Variants in TPCN1 observed in about 807,000 individuals in gnomAD.
The protein encoded by TPCN1 is two pore channel protein 1.
Under a neutral mutation model 108.8 loss-of-function variants are expected in TPCN1, and 52 were observed. That is an observed-to-expected ratio of 0.48 (90% confidence interval 0.38 to 0.60). The LOEUF (loss-of-function observed/expected upper bound fraction) is 0.60. TPCN1 is among the 20% of genes least tolerant of loss of function. TPCN1 has a pLI of 0.00. For missense variants in TPCN1, 806 were observed against 1,072.8 expected (o/e 0.75, Z 3.47); for synonymous variants, 446 against 433.7 (o/e 1.03, Z -0.35).
Position 113,260,354 on chromosome 12 carries a change from C to T in TPCN1, c.113-14C>T. 2 of 1,487,114 alleles carry T rather than the reference C, an allele frequency of 1.3e-6. No homozygotes were observed. The highest frequency in any genetic ancestry group is 1.5e-5 in the African/African-American group (1 of 67,646). The allele number at this position is 1,487,114 out of a possible 1,614,324, so 92.1% of individuals were successfully genotyped here. A position where few individuals can be genotyped will look rare whatever the true frequency, so the allele number is the denominator to read the frequency against. Reference sequence around the variant, plus strand: ...CCTGGGTGCCAAGTGAATCTCTCTCCTCTTCCAATGCAGATGGCGGCAGCT... The same window carrying T: ...CCTGGGTGCCAAGTGAATCTCTCTCTTCTTCCAATGCAGATGGCGGCAGCT... On this transcript the variant is annotated splice_polypyrimidine_tract_variant and intron_variant, in intron 2 of 27. Transcript: ENST00000335509.
intron 13 of TPCN1, 97 bp downstream of exon 13, chr12:113,278,334 G>A (rs1955743796): frequency 8.9e-7 from 1 of 1,120,072 alleles, no homozygotes; most frequent in South Asian, 1.2e-5. Context: ...CTCTCTCCCT[G>A]CTAGAGCAGC....
At position 113,288,315 on chromosome 12, in the gene TPCN1, C is replaced by T. The variant is rs545310608; in HGVS notation, c.1706+81C>T. On this transcript the variant is annotated intron_variant, in intron 20 of 27. Coordinates refer to ENST00000335509, the MANE Select transcript of TPCN1 (RefSeq NM_017901.6). The surrounding 1 kb of genome is among the most constrained non-coding windows in gnomAD (Gnocchi z 4.8). The stretch of plus-strand genomic sequence containing the variant: ...GTGGGGGCGGGAGCCGAGTGGCAGT[C>T]GGGGGAAAGGAGTTCCACAAAGGAC... 109 of 1,593,312 alleles carry T rather than the reference C, an allele frequency of 6.8e-5. No homozygotes were observed. Among genetic ancestry groups the T allele is most frequent in the Middle Eastern group, 1.7e-4 (1 of 6,022 alleles).
In TPCN1 at chr12:113,297,224, G is replaced by A. The variant is rs1490036646; in HGVS notation, c.*1148G>A. ...ACATCTGAGCGTGGTGGAGGTAGGA[G>A]GGTTGCCAGCTGCAGTGACCCTGCC... On this transcript the variant is annotated 3_prime_UTR_variant, in exon 28 of 28. Transcript: ENST00000335509. This position sits in a 1 kb window ranked among gnomAD's most constrained non-coding sequence, Gnocchi z 4.4. The A allele has an allele frequency of 1.3e-5, 2 of 152,820 alleles. No homozygotes were observed. The highest frequency in any genetic ancestry group is 2.9e-5 in the Non-Finnish European group (2 of 68,146). The allele number at this position is 152,820 out of a possible 1,614,324, so 9.5% of individuals were successfully genotyped here.
At chr12:113,256,297 T>A (rs1954829959) in intron 2 of TPCN1, among the ~76,000 whole-genome samples, 1 of 152,118 alleles carries the variant, frequency 6.6e-6, no homozygotes. Context: ...TAAATTTTTT[T>A]TTTTTGTAGA....
chr12:113,244,647 C>G lies in TPCN1; in HGVS notation c.113-15721C>G, dbSNP rs1339059821. Reference sequence around the variant, plus strand: ...TTCCTCTCCTCTTTGAGCTCTTTCCCATGGTGTGGGGCTCTCAGTGACAAC... The same window carrying G: ...TTCCTCTCCTCTTTGAGCTCTTTCCGATGGTGTGGGGCTCTCAGTGACAAC... On this transcript the variant is annotated intron_variant, in intron 2 of 27. Transcript: ENST00000335509. 4 of 985,306 alleles carry G rather than the reference C, an allele frequency of 4.1e-6. No individual in the cohort carries two copies. In the African/African-American group the frequency reaches 7.0e-5, roughly 17 times the overall value. 61.0% of individuals were successfully genotyped at this position (985,306 alleles called of 1,614,324 possible).
chr12:113,262,408 TAAAAAAA>T (rs556927143), intron 3 of TPCN1, among the ~76,000 whole-genome samples: 1 of 102,798 alleles, frequency 9.7e-6, no homozygotes, highest in Non-Finnish European at 2.1e-5. Flanking sequence ...AGACCCTGTC[TAAAAAAA>T]AAAAAAAAAA....
intron 15 of TPCN1, among the ~76,000 whole-genome samples, chr12:113,283,776 C>T (rs372748942): frequency 1.3e-5 from 2 of 152,118 alleles, no homozygotes; most frequent in African/African-American, 4.8e-5. Flanking sequence ...TGGGTTCAAA[C>T]GATCCTCCCA....
At position 113,232,546 on chromosome 12, in the gene TPCN1, A is replaced by G. The variant is rs965564388; in HGVS notation, c.112+5582A>G. ...GCCTCTGACCAGATGGCCCCAGCATACTTGCCAAAGAGTGAAGAAGCCCAA... is the reference window on the plus strand; with the variant it reads ...GCCTCTGACCAGATGGCCCCAGCATGCTTGCCAAAGAGTGAAGAAGCCCAA... On this transcript the variant is annotated intron_variant, in intron 2 of 27. Transcript: ENST00000335509. The surrounding 1 kb of genome is among the most constrained non-coding windows in gnomAD (Gnocchi z 5.6). Among the ~76,000 whole-genome samples the G allele has an allele frequency of 3.3e-4, 50 of 152,260 alleles. No individual in the cohort carries two copies. The highest frequency in any genetic ancestry group is 1.2e-3 in the African/African-American group (48 of 41,478).
intron 2 of TPCN1, among the ~76,000 whole-genome samples, chr12:113,259,707 A>G (rs961688770): frequency 6.6e-6 from 1 of 152,218 alleles, no homozygotes; most frequent in African/African-American, 2.4e-5. Flanking sequence ...GTCAGCAGCT[A>G]TGCCTGAATG....
At chr12:113,230,302 T>C (rs1031755435) in intron 2 of TPCN1, among the ~76,000 whole-genome samples, 2,350 of 145,118 alleles carry the variant, frequency 0.016, 25 homozygotes, top group African/African-American at 0.056. Flanking sequence ...TTTTTTTTTT[T>C]TTTTGAGGTG....
At chr12:113,239,722 C>A (rs1593091206) in intron 2 of TPCN1, among the ~76,000 whole-genome samples, 1 of 152,208 alleles carries the variant, frequency 6.6e-6, no homozygotes, top group East Asian at 1.9e-4. Context: ...GTCTCTGCTT[C>A]CAGCTTCGAA....
At chr12:113,238,551 T>G (rs1287203200) in intron 2 of TPCN1, among the ~76,000 whole-genome samples, 2 of 152,198 alleles carry the variant, frequency 1.3e-5, no homozygotes, top group Non-Finnish European at 2.9e-5. Flanking sequence ...TGCCTCGGCC[T>G]CCCAAAGTGC....
chr12:113,264,669 ACT>A (rs773185432), intron 3 of TPCN1, among the ~76,000 whole-genome samples: 1 of 150,540 alleles, frequency 6.6e-6, no homozygotes, highest in Non-Finnish European at 1.5e-5. Flanking sequence ...ACAGAGCAAG[ACT>A]CTGTCTCAAA....
intron 10 of TPCN1, among the ~76,000 whole-genome samples, chr12:113,274,905 T>TA (rs1955621351): frequency 6.6e-6 from 1 of 152,212 alleles, no homozygotes; most frequent in African/African-American, 2.4e-5. Context: ...CTACCTCACT[T>TA]ATCAGGAACC....
chr12:113,252,501 C>T (rs1954680959), intron 2 of TPCN1, among the ~76,000 whole-genome samples: 1 of 152,218 alleles, frequency 6.6e-6, no homozygotes, highest in African/African-American at 2.4e-5. Flanking sequence ...GTCTTCACGG[C>T]AGCCGCTCAC....
chr12:113,268,220 T>A lies in TPCN1; in HGVS notation c.528+264T>A, dbSNP rs1489935051. Among the ~76,000 whole-genome samples the A allele has an allele frequency of 2.0e-5, 3 of 152,144 alleles. No individual in the cohort carries two copies. Among genetic ancestry groups the A allele is most frequent in the Admixed American group, 2.0e-4 (3 of 15,270 alleles). ...TTCGAGAGAGATGTGCTGCTCTCCG[T>A]GGTTTACATTCATCTGGAGACATGG... On this transcript the variant is annotated intron_variant, in intron 5 of 27. Coordinates refer to ENST00000335509, the MANE Select transcript of TPCN1 (RefSeq NM_017901.6). The surrounding 1 kb of genome is among the most constrained non-coding windows in gnomAD (Gnocchi z 7.3).
At chr12:113,290,081 T>C (rs764459674) in intron 21 of TPCN1, 47 bp from the exon 22 acceptor site, 1 of 1,244,470 alleles carries the variant, frequency 8.0e-7, no homozygotes, top group South Asian at 1.3e-5. Context: ...TGGAGGTGAC[T>C]GATCGCCTTG....
At chr12:113,271,711 G>A (rs1195403468) in intron 7 of TPCN1, among the ~76,000 whole-genome samples, 2 of 152,214 alleles carry the variant, frequency 1.3e-5, no homozygotes, top group African/African-American at 4.8e-5. Context: ...TCCCACCGCA[G>A]TGAACACTCC....
At position 113,278,201 on chromosome 12, in the gene TPCN1, T is replaced by G. The variant is rs768134478; in HGVS notation, c.1197T>G (p.Phe399Leu). Residue 399 changes from phenylalanine (F) to leucine (L), a missense_variant, in exon 13 of 28, where the codon TTT (phenylalanine) becomes TTG (leucine). By Grantham distance (22) the Phe-to-Leu change is conservative. Transcript: ENST00000335509. ...NNTPLLSLKD[F>L]YDIYEVAALK... ...TTGCTTTTGGTAGCCTAAAGGACTT[T>G]TACGATATCTACGAAGTTGCTGCTT... 6.2e-7 allele frequency: 1 copy of G among 1,613,882 alleles called. No homozygotes were observed. The highest frequency in any genetic ancestry group is 1.1e-5 in the South Asian group (1 of 91,064).
Sources: gnomAD v4.1 joint callset for allele counts (sites outside exome capture counted in the v4.1 genomes callset) on GRCh38, gnomAD v4.1.1 for gene constraint, Gnocchi (gnomAD v3.1) non-coding constraint, MANE v1.5 for transcripts, NCBI Gene and HGNC (gene_info 2026-07-23, HGNC 2026-07-21) for gene names.